Variants in VRTN observed in about 807,000 individuals in gnomAD.
The protein encoded by VRTN is vertebrae development associated, also known as vertnin.
A neutral mutation model predicts 18.2 loss-of-function variants in VRTN; 5 were observed. The ratio of observed to expected loss-of-function variants is 0.27; its 90% CI spans 0.14 to 0.58. VRTN has a LOEUF of 0.58. VRTN is among the 20% of genes least tolerant of loss of function. VRTN has a pLI of 0.91. For synonymous variants in VRTN, 381 were observed against 393.7 expected, an observed-to-expected ratio of 0.97 and a Z score of 0.38; for missense variants, 741 against 939.4, an observed-to-expected ratio of 0.79 and a Z score of 2.76.
chr14:74,336,840 C>G (rs1366008308), intron 1 of VRTN, among the ~76,000 whole-genome samples: 1 of 152,046 alleles, frequency 6.6e-6, no homozygotes, highest in Non-Finnish European at 1.5e-5. Flanking sequence ...GAGAATTGTC[C>G]TTTTTCTTTC....
chr14:74,352,888 A>T (rs888545160), intron 1 of VRTN, among the ~76,000 whole-genome samples: 1 of 152,224 alleles, frequency 6.6e-6, no homozygotes, highest in Admixed American at 6.5e-5. Context: ...ATGAAGGAAT[A>T]CCACTCTGCT....
chr14:74,308,291 C>G (rs1230101637), intron 1 of VRTN, among the ~76,000 whole-genome samples: 1 of 152,148 alleles, frequency 6.6e-6, no homozygotes, highest in African/African-American at 2.4e-5. Flanking sequence ...AAGGTCTACA[C>G]ATTGCAATTG....
intron 1 of VRTN, among the ~76,000 whole-genome samples, chr14:74,310,532 TG>T (rs2085381182): frequency 2.9e-5 from 4 of 136,146 alleles, no homozygotes; most frequent in Admixed American, 1.5e-4. Context: ...ATGCTGCCTC[TG>T]TTTTTTTTTT....
At chr14:74,340,956 A>C (rs1427962456) in intron 2 of VRTN, among the ~76,000 whole-genome samples, 1 of 151,576 alleles carries the variant, frequency 6.6e-6, no homozygotes, top group East Asian at 2.0e-4. Flanking sequence ...GTTGGCCAGG[A>C]TGGTCTTGAT....
intron 2 of VRTN, among the ~76,000 whole-genome samples, chr14:74,339,943 T>G (rs1181517130): frequency 6.6e-6 from 1 of 152,156 alleles, no homozygotes; most frequent in East Asian, 1.9e-4. Flanking sequence ...GAGAAGCCTT[T>G]TCTTTTTTTT....
chr14:74,340,134 C>G (rs1193448542), intron 2 of VRTN, among the ~76,000 whole-genome samples: 8 of 126,582 alleles, frequency 6.3e-5, no homozygotes, highest in African/African-American at 2.5e-4. Flanking sequence ...TTTTTTGAGA[C>G]GGAGTTTTGC....
intron 1 of VRTN, among the ~76,000 whole-genome samples, chr14:74,352,988 C>T (rs2085696734): frequency 1.3e-5 from 2 of 152,116 alleles, no homozygotes; most frequent in South Asian, 4.1e-4. Context: ...AGATGAATCA[C>T]AGACCCTAAA....
intron 1 of VRTN, among the ~76,000 whole-genome samples, chr14:74,312,662 G>A (rs893550421): frequency 2.6e-5 from 4 of 151,830 alleles, no homozygotes; most frequent in African/African-American, 9.7e-5. Context: ...TGTTGCCCAG[G>A]CTGGTCTCAA....
At chr14:74,338,455 T>C (rs1160993183) in intron 2 of VRTN, among the ~76,000 whole-genome samples, 1 of 152,250 alleles carries the variant, frequency 6.6e-6, no homozygotes, top group East Asian at 1.9e-4. Flanking sequence ...GAATTTGCTA[T>C]GCACTCTTCT....
intron 1 of VRTN, among the ~76,000 whole-genome samples, chr14:74,320,934 A>C (rs2085452352): frequency 6.7e-6 from 1 of 149,306 alleles, no homozygotes; most frequent in South Asian, 2.1e-4. Flanking sequence ...CAGCAGCAGC[A>C]GCAGCAGCAA....
At chr14:74,316,602 A>G (rs1204394477) in intron 1 of VRTN, among the ~76,000 whole-genome samples, 1 of 151,950 alleles carries the variant, frequency 6.6e-6, no homozygotes, top group African/African-American at 2.4e-5. Flanking sequence ...AAGCAAAGGG[A>G]ACAGCAAATG....
At position 74,358,689 on chromosome 14, in the gene VRTN, A is replaced by G; in HGVS notation, c.1906A>G (p.Arg636Gly). ...SQPVVAAAGG[R>G]DGRMLVMDMI... Reference sequence around the variant, plus strand: ...ACCTGTGGTGGCAGCAGCGGGTGGCAGGGATGGCCGGATGCTGGTGATGGA... The same window carrying G: ...ACCTGTGGTGGCAGCAGCGGGTGGCGGGGATGGCCGGATGCTGGTGATGGA... Residue 636 changes from arginine (R) to glycine (G), a missense_variant, in exon 2 of 2, where the codon AGG (arginine) becomes GGG (glycine). Transcript: ENST00000256362. This position sits in a 1 kb window ranked among gnomAD's most constrained non-coding sequence, Gnocchi z 5.4. 4 of 1,613,918 alleles carry G rather than the reference A, an allele frequency of 2.5e-6. No individual in the cohort carries two copies. In the South Asian group the frequency reaches 4.4e-5, roughly 18 times the overall value.
intron 1 of VRTN, among the ~76,000 whole-genome samples, chr14:74,308,922 G>T (rs1234305854): frequency 6.6e-6 from 1 of 151,446 alleles, no homozygotes; most frequent in African/African-American, 2.4e-5. Context: ...GAATGCAGTG[G>T]TATGATCTCA....
chr14:74,324,892 A>T (rs937070639), intron 1 of VRTN, among the ~76,000 whole-genome samples: 2 of 152,070 alleles, frequency 1.3e-5, no homozygotes. Flanking sequence ...ATCTCAAAAA[A>T]CTAATAATAA....
intron 1 of VRTN, among the ~76,000 whole-genome samples, chr14:74,332,026 G>A (rs540721149): frequency 6.6e-6 from 1 of 152,172 alleles, no homozygotes; most frequent in South Asian, 2.1e-4. Flanking sequence ...AGAGATGATA[G>A]GACACCTTAA....
Position 74,358,264 on chromosome 14 carries a change from C to T in VRTN, c.1481C>T (p.Pro494Leu). 6.2e-7 allele frequency: 1 copy of T among 1,610,952 alleles called. No homozygotes were observed. The highest frequency in any genetic ancestry group is 1.3e-5 in the African/African-American group (1 of 75,008). The change falls in exon 2 of 2, where the codon CCC (proline) becomes CTC (leucine). Residue 494 changes from proline to leucine, a missense_variant. Physicochemically the swap from Pro to Leu is moderately conservative, Grantham distance 98. Coordinates refer to ENST00000256362, the MANE Select transcript of VRTN (RefSeq NM_018228.3). This position sits in a 1 kb window ranked among gnomAD's most constrained non-coding sequence, Gnocchi z 5.4. ...GCCACAGGTGAGGACCCTCCCGCCCCCGGGGAGCTCCTGCCACTAAGGATG... is the reference window on the plus strand; with the variant it reads ...GCCACAGGTGAGGACCCTCCCGCCCTCGGGGAGCTCCTGCCACTAAGGATG... ...GNATGEDPPAPGELLPLRMPL... is the reference protein window; with the variant it reads ...GNATGEDPPALGELLPLRMPL...
intron 1 of VRTN, among the ~76,000 whole-genome samples, chr14:74,337,555 TC>T (rs2140204845): frequency 6.6e-6 from 1 of 152,136 alleles, no homozygotes; most frequent in South Asian, 2.1e-4. Context: ...TGTTTCCCCT[TC>T]ATGGATGAAA....
At chr14:74,333,855 A>AAT (rs2085545852) in intron 1 of VRTN, among the ~76,000 whole-genome samples, 1 of 146,030 alleles carries the variant, frequency 6.8e-6, no homozygotes, top group African/African-American at 2.7e-5. Flanking sequence ...AAAATAAATA[A>AAT]AAATAAATAA....
chr14:74,334,874 T>A (rs944763079), intron 1 of VRTN, among the ~76,000 whole-genome samples: 1 of 152,142 alleles, frequency 6.6e-6, no homozygotes, highest in African/African-American at 2.4e-5. Flanking sequence ...ATTCTGGCAG[T>A]AGATAAGAGT....
Sources: allele counts gnomAD v4.1 joint callset (sites outside exome capture counted in the v4.1 genomes callset), GRCh38; gene constraint gnomAD v4.1.1; non-coding constraint Gnocchi (gnomAD v3.1); transcripts MANE v1.5; gene names NCBI Gene and HGNC (gene_info 2026-07-23, HGNC 2026-07-21).